Variants in TMEM132B observed in about 807,000 individuals in gnomAD.
The protein encoded by TMEM132B is transmembrane protein 132B.
In TMEM132B, 18 loss-of-function variants were observed where a neutral mutation model predicts 90.8. The observed-to-expected ratio is 0.20, with a 90% CI of 0.14 to 0.29. The LOEUF is 0.29. Among genes scored for constraint, TMEM132B ranks in the 10% least tolerant of loss-of-function variants. The pLI is 1.00. For missense variants in TMEM132B, 1,096 were observed against 1,326.8 expected (o/e 0.83, Z 2.70); for synonymous variants, 504 against 523.3 (o/e 0.96, Z 0.50).
At chr12:125,262,876 G>T (rs1440796806) in intron 1 of TMEM132B, among the ~76,000 whole-genome samples, 4 of 152,174 alleles carry the variant, frequency 2.6e-5, no homozygotes, top group Admixed American at 2.6e-4. Flanking sequence ...CAGCTAAGAG[G>T]CCAGGAAGGG....
intron 2 of TMEM132B, among the ~76,000 whole-genome samples, chr12:125,389,416 A>T (rs1477912577): frequency 7.3e-6 from 1 of 137,120 alleles, no homozygotes; most frequent in Non-Finnish European, 1.5e-5. Context: ...TTCTTCTTCC[A>T]TCCATCCTTC....
intron 1 of TMEM132B, among the ~76,000 whole-genome samples, chr12:125,211,873 C>T (rs775069986): frequency 6.6e-6 from 1 of 152,232 alleles, no homozygotes; most frequent in Non-Finnish European, 1.5e-5. Context: ...TCCCTGTGGG[C>T]AGAGCAGGTC....
At chr12:125,212,464 G>T (rs1416801828) in intron 1 of TMEM132B, among the ~76,000 whole-genome samples, 2 of 152,044 alleles carry the variant, frequency 1.3e-5, no homozygotes, top group Non-Finnish European at 2.9e-5. Context: ...AGGCCGAGGC[G>T]GGTGGATCAT....
rs568478951 is a variant in TMEM132B at position 125,264,368 on chromosome 12, G to T, written c.67+77502G>T. On this transcript the variant is annotated intron_variant, in intron 1 of 8. Transcript: ENST00000682704. The stretch of plus-strand genomic sequence containing the variant: ...TAAAGTAACATATTCACAGGTTCTG[G>T]GGTTTAGGATGTGGACATTTTGGAG... 2.1e-3 allele frequency among the ~76,000 whole-genome samples: 318 copies of T among 152,296 alleles called. 6 individuals are homozygous for T. The highest frequency in any genetic ancestry group is 6.8e-3 in the Middle Eastern group (2 of 294).
At chr12:125,237,884 G>A (rs1873971996) in intron 1 of TMEM132B, among the ~76,000 whole-genome samples, 1 of 152,194 alleles carries the variant, frequency 6.6e-6, no homozygotes, top group Admixed American at 6.5e-5. Flanking sequence ...TGATGGTGTT[G>A]AATGAACAGA....
chr12:125,331,333 C>G (rs1876764946), intron 1 of TMEM132B, among the ~76,000 whole-genome samples: 1 of 152,226 alleles, frequency 6.6e-6, no homozygotes, highest in Non-Finnish European at 1.5e-5. Context: ...TATTTTTCCT[C>G]CGCACCAAGA....
chr12:125,567,431 C>G (rs891819169), intron 4 of TMEM132B, among the ~76,000 whole-genome samples: 1 of 151,964 alleles, frequency 6.6e-6, no homozygotes, highest in African/African-American at 2.4e-5. Context: ...CCTTCTTGCT[C>G]TGACCCCTGC....
chr12:125,325,921 A>G (rs1398910833), intron 1 of TMEM132B, among the ~76,000 whole-genome samples: 2 of 152,140 alleles, frequency 1.3e-5, no homozygotes, highest in African/African-American at 2.4e-5. Context: ...GCTTGACCCA[A>G]GAGCTTGGAC....
At chr12:125,594,799 G>A (rs775336310) in intron 5 of TMEM132B, among the ~76,000 whole-genome samples, 3 of 152,080 alleles carry the variant, frequency 2.0e-5, no homozygotes, top group Admixed American at 6.6e-5. Flanking sequence ...TTGAAAATAC[G>A]TTATATTTGA....
At position 125,432,528 on chromosome 12, in the gene TMEM132B, T is replaced by TATATAGAG. The variant is rs1458075923; in HGVS notation, c.1106+16852_1106+16853insTATAGAGA. Among the ~76,000 whole-genome samples, 97 of 39,124 alleles carry TATATAGAG rather than the reference T, an allele frequency of 2.5e-3. 23 individuals carry two copies. The highest frequency in any genetic ancestry group is 0.02 in the Middle Eastern group (2 of 98). The allele number at this position is 39,124 out of a possible 152,430, so 25.7% of individuals were successfully genotyped here. A position where few individuals can be genotyped will look rare whatever the true frequency, so the allele number is the denominator to read the frequency against. ...GTGTGTGTGTATATATATATATATA[T>TATATAGAG]AGAGAGAGAGAGAGAGAGAGAGAGA... On this transcript the variant is annotated intron_variant, in intron 3 of 8. Transcript: ENST00000682704.
chr12:125,645,342 A>C (rs1410448157), intron 6 of TMEM132B, among the ~76,000 whole-genome samples: 1 of 151,978 alleles, frequency 6.6e-6, no homozygotes, highest in Admixed American at 6.6e-5. Flanking sequence ...AAATCAATGG[A>C]CCTTAAAATA....
At chr12:125,560,195 G>A (rs554659226) in intron 4 of TMEM132B, among the ~76,000 whole-genome samples, 1 of 152,176 alleles carries the variant, frequency 6.6e-6, no homozygotes, top group Non-Finnish European at 1.5e-5. Flanking sequence ...GGAATGCCAG[G>A]TGCTGATTGC....
intron 5 of TMEM132B, among the ~76,000 whole-genome samples, chr12:125,609,816 CAAAAAAAAAAAAA>C (rs763840695): frequency 2.5e-5 from 1 of 39,432 alleles, no homozygotes; most frequent in Non-Finnish European, 4.4e-5. Flanking sequence ...GACTCTGTCT[CAAAAAAAAAAAAA>C]AAAAAAAAAA....
intron 5 of TMEM132B, among the ~76,000 whole-genome samples, chr12:125,637,323 G>A (rs1421300029): frequency 2.0e-5 from 3 of 152,192 alleles, no homozygotes; most frequent in Non-Finnish European, 4.4e-5. Flanking sequence ...GCGGATCGGA[G>A]ATCTGAACTT....
chr12:125,468,441 A>G (rs959391570), intron 3 of TMEM132B, among the ~76,000 whole-genome samples: 2 of 152,242 alleles, frequency 1.3e-5, no homozygotes, highest in Non-Finnish European at 2.9e-5. Context: ...ATAATGTCAG[A>G]CTGAGGGAAC....
intron 5 of TMEM132B, among the ~76,000 whole-genome samples, chr12:125,594,044 A>G (rs917501552): frequency 3.9e-5 from 6 of 152,170 alleles, no homozygotes; most frequent in African/African-American, 1.2e-4. Flanking sequence ...ATGTCCCTTT[A>G]TAATCTCCTC....
chr12:125,642,747 C>T (rs78158858), intron 5 of TMEM132B, among the ~76,000 whole-genome samples: 1 of 152,152 alleles, frequency 6.6e-6, no homozygotes, highest in African/African-American at 2.4e-5. Flanking sequence ...CTTAAGGATT[C>T]CTAAAGACGT....
At chr12:125,215,067 G>A (rs1039484684) in intron 1 of TMEM132B, among the ~76,000 whole-genome samples, 1 of 152,140 alleles carries the variant, frequency 6.6e-6, no homozygotes, top group African/African-American at 2.4e-5. Flanking sequence ...TCCCCCTATT[G>A]CCAGCCTCTT....
At chr12:125,222,287 C>T (rs2136074895) in intron 1 of TMEM132B, among the ~76,000 whole-genome samples, 1 of 152,192 alleles carries the variant, frequency 6.6e-6, no homozygotes, top group South Asian at 2.1e-4. Flanking sequence ...GGACTCAAGG[C>T]AGCAAACAGA....
Sources: gnomAD v4.1 joint callset for allele counts (sites outside exome capture counted in the v4.1 genomes callset) on GRCh38, gnomAD v4.1.1 for gene constraint, MANE v1.5 for transcripts, NCBI Gene and HGNC (gene_info 2026-07-23, HGNC 2026-07-21) for gene names.